The following CDC42SE2 variants were observed in gnomAD, a reference collection of about 807,000 sequenced individuals.
CDC42SE2 encodes the protein CDC42 small effector 2.
A neutral mutation model predicts 11.5 loss-of-function variants in CDC42SE2; 3 were observed. The ratio of observed to expected loss-of-function variants is 0.26; its 90% CI spans 0.12 to 0.67. The LOEUF is 0.67. Among genes scored for constraint, CDC42SE2 ranks in the 30% least tolerant of loss-of-function variants. The pLI, the probability that CDC42SE2 is intolerant of heterozygous loss-of-function variation, is 0.80. For missense variants in CDC42SE2, 82 were observed against 106.8 expected, an observed-to-expected ratio of 0.77 and a Z score of 1.02; for synonymous variants, 33 against 34.8, an observed-to-expected ratio of 0.95 and a Z score of 0.18.
chr5:131,383,641 A>G (rs1302794362), intron 3 of CDC42SE2, among the ~76,000 whole-genome samples: 1 of 152,218 alleles, frequency 6.6e-6, no homozygotes, highest in African/African-American at 2.4e-5. Context: ...GCTACTACTG[A>G]AAAAATCTAG....
chr5:131,211,517 C>A, the CDC42SE2 span, among the ~76,000 whole-genome samples: 2 of 152,160 alleles, frequency 1.3e-5, no homozygotes. Flanking sequence ...ACATTCTTTC[C>A]TCATGTGTCT....
chr5:131,337,729 G>A (rs1419161708), intron 2 of CDC42SE2, among the ~76,000 whole-genome samples: 2 of 152,226 alleles, frequency 1.3e-5, no homozygotes, highest in African/African-American at 4.8e-5. Flanking sequence ...TGCTGTGCTA[G>A]CAATGAGCGA....
Position 131,341,180 on chromosome 5 carries a change from G to A in CDC42SE2, c.-285-18029G>A, listed in dbSNP as rs935663236. Among the ~76,000 whole-genome samples the A allele has an allele frequency of 2.0e-5, 3 of 152,178 alleles. No homozygotes were observed. In the East Asian group the frequency reaches 5.8e-4, roughly 29 times the overall value. ...TTATTTTCCTGGACAACATTTTCCA[G>A]TTTGAAAGAGGTCATTCAGACCCCA... is the stretch of plus-strand genomic sequence containing the variant. On this transcript the variant is annotated intron_variant, in intron 2 of 4. Coordinates refer to ENST00000505065, the MANE Select transcript of CDC42SE2 (RefSeq NM_001375635.1).
chr5:131,391,136 C>G lies in CDC42SE2; in HGVS notation c.*45C>G. ...GAGTACTCAGAGCTGGGGTCTGGAC[C>G]TGACGGCCAGACATGGCCAGGCCAA... is the stretch of plus-strand genomic sequence containing the variant. On this transcript the variant is annotated 3_prime_UTR_variant, in exon 5 of 5. Coordinates refer to ENST00000505065, the MANE Select transcript of CDC42SE2 (RefSeq NM_001375635.1). 1.4e-6 allele frequency: 2 copies of G among 1,391,780 alleles called. No individual in the cohort carries two copies. The highest frequency in any genetic ancestry group is 1.2e-5 in the South Asian group (1 of 84,284). 86.2% of individuals were successfully genotyped at this position (1,391,780 alleles called of 1,614,324 possible). A position where few individuals can be genotyped will look rare whatever the true frequency, so the allele number is the denominator to read the frequency against.
At chr5:131,346,955 C>T (rs949460461) in intron 2 of CDC42SE2, among the ~76,000 whole-genome samples, 6 of 152,100 alleles carry the variant, frequency 3.9e-5, no homozygotes, top group African/African-American at 1.2e-4. Context: ...TTGAAACCAG[C>T]GAGAACAAAG....
chr5:131,307,964 T>G (rs1166838080), intron 1 of CDC42SE2, among the ~76,000 whole-genome samples: 1 of 152,216 alleles, frequency 6.6e-6, no homozygotes, highest in Non-Finnish European at 1.5e-5. Context: ...ATTCTGGATA[T>G]TAGCCCTTTG....
At chr5:131,339,938 A>G (rs914184496) in intron 2 of CDC42SE2, among the ~76,000 whole-genome samples, 1 of 152,168 alleles carries the variant, frequency 6.6e-6, no homozygotes, top group Non-Finnish European at 1.5e-5. Flanking sequence ...TGAATCTGAA[A>G]CTAGAGATTC....
chr5:131,312,443 C>T (rs1159068058), intron 1 of CDC42SE2, among the ~76,000 whole-genome samples: 1 of 152,190 alleles, frequency 6.6e-6, no homozygotes, highest in Admixed American at 6.5e-5. Context: ...GCAGGCAGGC[C>T]TCCTTGAGCT....
intron 2 of CDC42SE2, among the ~76,000 whole-genome samples, chr5:131,339,969 C>T (rs751773538): frequency 3.9e-5 from 6 of 152,006 alleles, no homozygotes; most frequent in East Asian, 1.9e-4. Flanking sequence ...GAGCCAAGTA[C>T]GAAGACAATC....
chr5:131,278,121 G>C (rs1757141670), intron 1 of CDC42SE2, among the ~76,000 whole-genome samples: 1 of 152,108 alleles, frequency 6.6e-6, no homozygotes, highest in Admixed American at 6.6e-5. Flanking sequence ...AAGTAGCTGG[G>C]ATTCCAGGTG....
intron 3 of CDC42SE2, among the ~76,000 whole-genome samples, chr5:131,377,620 G>A (rs914470608): frequency 5.9e-5 from 9 of 152,130 alleles, no homozygotes; most frequent in African/African-American, 2.2e-4. Flanking sequence ...TCTGTGACTA[G>A]AGCTCAGAAA....
At chr5:131,299,202 G>T (rs1457270725) in intron 1 of CDC42SE2, among the ~76,000 whole-genome samples, 1 of 152,176 alleles carries the variant, frequency 6.6e-6, no homozygotes, top group Non-Finnish European at 1.5e-5. Context: ...GAGGATAATA[G>T]TCATTAAAGG....
At chr5:131,319,327 C>T (rs1386021622) in intron 2 of CDC42SE2, among the ~76,000 whole-genome samples, 2 of 152,156 alleles carry the variant, frequency 1.3e-5, no homozygotes, top group African/African-American at 4.8e-5. Flanking sequence ...ACTTCAGCTG[C>T]AGTTGTTTTC....
intron 3 of CDC42SE2, among the ~76,000 whole-genome samples, chr5:131,368,252 C>CAAAAA (rs543328653): frequency 1.2e-4 from 8 of 65,422 alleles, no homozygotes; most frequent in Non-Finnish European, 2.3e-4. Flanking sequence ...GACTCCATCT[C>CAAAAA]AAAAAAAAAA....
chr5:131,273,559 A>G (rs570091911), intron 1 of CDC42SE2, among the ~76,000 whole-genome samples: 8 of 148,146 alleles, frequency 5.4e-5, no homozygotes, highest in South Asian at 2.3e-4. Context: ...TCACGAGGTC[A>G]GGAGATCGAG....
At chr5:131,329,513 A>C (rs1377585948) in intron 2 of CDC42SE2, among the ~76,000 whole-genome samples, 1 of 152,202 alleles carries the variant, frequency 6.6e-6, no homozygotes. Context: ...TCCTCGAAGC[A>C]CATAAAAATC....
At chr5:131,343,155 G>A (rs888722477) in intron 2 of CDC42SE2, among the ~76,000 whole-genome samples, 4 of 152,008 alleles carry the variant, frequency 2.6e-5, no homozygotes, top group Admixed American at 6.6e-5. Context: ...CCCACCCACC[G>A]AGAAGAGTAA....
chr5:131,293,571 T>A (rs1309863401), intron 1 of CDC42SE2, among the ~76,000 whole-genome samples: 4 of 54,362 alleles, frequency 7.4e-5, no homozygotes, highest in African/African-American at 1.9e-4. Flanking sequence ...AAACTCCGTC[T>A]CAAAAAAAAA....
At chr5:131,258,672 G>A (rs555877121) in intron 2 of CDC42SE2, among the ~76,000 whole-genome samples, 4 of 152,192 alleles carry the variant, frequency 2.6e-5, no homozygotes, top group South Asian at 2.1e-4. Flanking sequence ...CCCACACCAC[G>A]AGAGGTGTGC....
Sources: gnomAD v4.1 joint callset for allele counts (sites outside exome capture counted in the v4.1 genomes callset) on GRCh38, gnomAD v4.1.1 for gene constraint, MANE v1.5 for transcripts, NCBI Gene and HGNC (gene_info 2026-07-23, HGNC 2026-07-21) for gene names.